HMHB1: variants seen among roughly 807,000 people sequenced by gnomAD.
The protein encoded by HMHB1 is histocompatibility minor HB-1.
In HMHB1, 4 loss-of-function variants were observed where a neutral mutation model predicts 2.4. The ratio of observed to expected loss-of-function variants is 1.65; its 90% CI spans 0.81 to 3.77. The LOEUF (loss-of-function observed/expected upper bound fraction) is 3.77. HMHB1 is among the 30% of genes most tolerant of loss of function. The pLI is 0.01. For synonymous variants in HMHB1, 22 were observed against 17.6 expected (o/e 1.25, Z -0.63); for missense variants, 57 against 44.2 (o/e 1.29, Z -0.82).
intron 1 of HMHB1, among the ~76,000 whole-genome samples, chr5:143,815,969 G>A (rs1011725875): frequency 1.4e-4 from 22 of 151,972 alleles, no homozygotes; most frequent in Non-Finnish European, 1.9e-4. Context: ...GCCTCCCAAA[G>A]TGCTGGGATT....
intron 1 of HMHB1, 44 bp from the exon 2 acceptor site, chr5:143,820,436 G>A (rs1028102704): frequency 2.7e-6 from 3 of 1,111,928 alleles, no homozygotes; most frequent in Non-Finnish European, 4.1e-6. Context: ...ATACTGCTGA[G>A]AAGTTGTAAG....
chr5:143,816,904 A>G (rs1759755395), intron 1 of HMHB1, among the ~76,000 whole-genome samples: 1 of 152,174 alleles, frequency 6.6e-6, no homozygotes, highest in Non-Finnish European at 1.5e-5. Context: ...ATTCTTGCAG[A>G]GTAAGATGGT....
chr5:143,814,752 C>A (rs73291471), intron 1 of HMHB1, among the ~76,000 whole-genome samples: 1 of 152,142 alleles, frequency 6.6e-6, no homozygotes, highest in South Asian at 2.1e-4. Flanking sequence ...CCAAGCTGGC[C>A]TCACCTACAA....
At chr5:143,820,422 G>C in intron 1 of HMHB1, 58 bp from the exon 2 acceptor site, 2 of 868,972 alleles carry the variant, frequency 2.3e-6, no homozygotes, top group Non-Finnish European at 3.6e-6. Context: ...AATCTAAATA[G>C]AAAATACTGC....
chr5:143,815,527 CTT>C (rs57716897), intron 1 of HMHB1, among the ~76,000 whole-genome samples: 5 of 144,274 alleles, frequency 3.5e-5, no homozygotes, highest in Non-Finnish European at 4.6e-5. Context: ...GTATTTTTTT[CTT>C]TTTTTTTTTT....
chr5:143,814,750 G>A (rs1759729243), intron 1 of HMHB1, among the ~76,000 whole-genome samples: 1 of 152,066 alleles, frequency 6.6e-6, no homozygotes, highest in Non-Finnish European at 1.5e-5. Flanking sequence ...ATCCAAGCTG[G>A]CCTCACCTAC....
intron 1 of HMHB1, among the ~76,000 whole-genome samples, chr5:143,814,662 C>T (rs936044731): frequency 3.3e-5 from 5 of 152,158 alleles, no homozygotes; most frequent in Non-Finnish European, 5.9e-5. Context: ...AATCTTCAAT[C>T]GTCTCTAATT....
rs1759699117 is a variant in HMHB1 at position 143,812,178 on chromosome 5, G to A, written c.-90G>A. 6.6e-6 allele frequency: 8 copies of A among 1,219,896 alleles called. No individual in the cohort carries two copies. In the East Asian group the frequency reaches 7.6e-5, roughly 12 times the overall value. The allele number at this position is 1,219,896 out of a possible 1,614,324, so 75.6% of individuals were successfully genotyped here. A position where few individuals can be genotyped will look rare whatever the true frequency, so the allele number is the denominator to read the frequency against. ...TGAGGAAACCACATCCCAGGAGGCC[G>A]AGGCGGCTTGCCCCGCATCTCAGAA... On this transcript the variant is annotated 5_prime_UTR_variant, in exon 1 of 2. Transcript: ENST00000289448.
chr5:143,819,625 ACT>A (rs1254743743), intron 1 of HMHB1, among the ~76,000 whole-genome samples: 1 of 133,088 alleles, frequency 7.5e-6, no homozygotes, highest in Admixed American at 8.2e-5. Context: ...AGAGAGTGAG[ACT>A]CTGTCTCAAA....
chr5:143,814,425 T>C (rs1054139962), intron 1 of HMHB1, among the ~76,000 whole-genome samples: 3 of 152,150 alleles, frequency 2.0e-5, no homozygotes, highest in African/African-American at 7.2e-5. Context: ...AGTTTTTGAG[T>C]TAAGGAATAA....
intron 1 of HMHB1, among the ~76,000 whole-genome samples, chr5:143,815,440 T>A (rs1759736012): frequency 6.6e-6 from 1 of 152,166 alleles, no homozygotes; most frequent in Non-Finnish European, 1.5e-5. Flanking sequence ...CTCTCTAACC[T>A]TTTTTCAAAG....
chr5:143,817,841 A>G (rs1207927083), intron 1 of HMHB1, among the ~76,000 whole-genome samples: 1 of 152,168 alleles, frequency 6.6e-6, no homozygotes, highest in Admixed American at 6.5e-5. Context: ...ATCCAAAGAT[A>G]TCAAATACCT....
Position 143,812,276 on chromosome 5 carries a change from G to T in HMHB1, c.9G>T (p.Glu3Asp). 1 of 1,551,794 alleles carries T rather than the reference G, an allele frequency of 6.4e-7. No individual in the cohort carries two copies. Residue 3 changes from glutamate to aspartate, a missense_variant, in exon 1 of 2, where the codon GAG becomes GAT. Physicochemically the swap from Glu to Asp is conservative, Grantham distance 45. Transcript: ENST00000289448. Reference sequence around the variant, plus strand: ...CAGTGGAGAAACCAGAACTGGAGGAGCAGCCAGAATGCAGAGAAGAAAAAA... The same window carrying T: ...CAGTGGAGAAACCAGAACTGGAGGATCAGCCAGAATGCAGAGAAGAAAAAA...
rs771374409 is a variant in HMHB1 at position 143,820,496 on chromosome 5, GA to G, written c.56del (p.Lys19SerfsTer13). The G allele has an allele frequency of 8.7e-6, 14 of 1,611,282 alleles. No individual in the cohort carries two copies. The highest frequency in any genetic ancestry group is 1.2e-5 in the Non-Finnish European group (14 of 1,177,788). Reference sequence around the variant, plus strand: ...TTTCTATAGGTTCTCTGCATGTTTGGAAGTCGGAATTGGTTGAAGTTGAAGA... The same window carrying G: ...TTTCTATAGGTTCTCTGCATGTTTGGAGTCGGAATTGGTTGAAGTTGAAGA... On this transcript the variant is annotated frameshift_variant, in exon 2 of 2. Transcript: ENST00000289448. LOFTEE classifies it low-confidence loss of function (END_TRUNC).
chr5:143,812,646 G>A (rs3792815), intron 1 of HMHB1, among the ~76,000 whole-genome samples: 31,066 of 152,018 alleles, frequency 0.2, 4,079 homozygotes, highest in African/African-American at 0.37. Context: ...GTCGGAGCCA[G>A]GGTAGCCAAG....
At chr5:143,813,523 G>A (rs1759715182) in intron 1 of HMHB1, among the ~76,000 whole-genome samples, 1 of 152,198 alleles carries the variant, frequency 6.6e-6, no homozygotes, top group Non-Finnish European at 1.5e-5. Flanking sequence ...TAGCTGAACT[G>A]AAAAGTAAAA....
chr5:143,815,907 C>T (rs563273855), intron 1 of HMHB1, among the ~76,000 whole-genome samples: 11 of 144,810 alleles, frequency 7.6e-5, no homozygotes, highest in African/African-American at 1.6e-4. Context: ...GGGGTTTCAC[C>T]TTGTTAGCCA....
chr5:143,814,065 TC>T (rs1489764537), intron 1 of HMHB1, among the ~76,000 whole-genome samples: 1 of 152,222 alleles, frequency 6.6e-6, no homozygotes, highest in Non-Finnish European at 1.5e-5. Context: ...ATAAAAATGT[TC>T]TATATTTTCC....
intron 1 of HMHB1, among the ~76,000 whole-genome samples, chr5:143,818,309 A>T (rs1398168831): frequency 6.6e-6 from 1 of 152,212 alleles, no homozygotes; most frequent in Non-Finnish European, 1.5e-5. Context: ...AGGGTAGGGT[A>T]GGGATGAAGG....
Sources: gnomAD v4.1 joint callset for allele counts (sites outside exome capture counted in the v4.1 genomes callset) on GRCh38, gnomAD v4.1.1 for gene constraint, MANE v1.5 for transcripts, NCBI Gene and HGNC (gene_info 2026-07-23, HGNC 2026-07-21) for gene names.